The following PTCD3 variants were observed in gnomAD, a reference collection of about 807,000 sequenced individuals.
PTCD3 encodes the protein pentatricopeptide repeat domain 3, also known as small ribosomal subunit protein mS39.
A neutral mutation model predicts 101.9 loss-of-function variants in PTCD3; 89 were observed. The ratio of observed to expected loss-of-function variants is 0.87; its 90% CI spans 0.74 to 1.04. The LOEUF (loss-of-function observed/expected upper bound fraction) is 1.04. Among genes scored for constraint, PTCD3 ranks in the 50% least tolerant of loss-of-function variants. The pLI is 0.00. For synonymous variants in PTCD3, 296 were observed against 278.5 expected, an observed-to-expected ratio of 1.06 and a Z score of -0.63; for missense variants, 870 against 828.2, an observed-to-expected ratio of 1.05 and a Z score of -0.62.
Position 86,127,293 on chromosome 2 carries a change from G to A in PTCD3, c.1084G>A (p.Ala362Thr). Reference sequence around the variant, plus strand: ...CTTACAGGTTTTACGTGAAATGAAAGCCATTGGAATAGGTGAGGATGCGCC... The same window carrying A: ...CTTACAGGTTTTACGTGAAATGAAAACCATTGGAATAGGTGAGGATGCGCC... ...PALQVLREMK[A>T]IGIEPSLATY... The change falls in exon 13 of 24, where the codon GCC becomes ACC. Residue 362 changes from alanine to threonine, a missense_variant. Physicochemically the swap from Ala to Thr is moderately conservative, Grantham distance 58 (BLOSUM62 0). Coordinates refer to ENST00000254630, the MANE Select transcript of PTCD3 (RefSeq NM_017952.6). The A allele has an allele frequency of 6.2e-7, 1 of 1,614,044 alleles. No homozygotes were observed.
At position 86,127,960 on chromosome 2, in the gene PTCD3, T is replaced by G; in HGVS notation, c.1116T>G (p.Tyr372Ter). Residue 372 changes from tyrosine to a stop codon, truncating the protein, a stop_gained, in exon 14 of 24, where the codon TAT becomes TAG. Coordinates refer to ENST00000254630, the MANE Select transcript of PTCD3 (RefSeq NM_017952.6). LOFTEE classifies it high-confidence loss of function. ...TTTGAGAACCCTCGCTTGCAACATA[T>G]CACCATATTATTCGCCTGTTTGATC... ...AIGIEPSLAT[Y>*]HHIIRLFDQP... The G allele has an allele frequency of 1.2e-6, 2 of 1,611,062 alleles. No homozygotes were observed. The highest frequency in any genetic ancestry group is 1.7e-6 in the Non-Finnish European group (2 of 1,177,278).
intron 21 of PTCD3, chr2:86,135,211 TA>T (rs1674565431): frequency 2.4e-6 from 1 of 424,958 alleles, no homozygotes; most frequent in South Asian, 7.7e-5. Flanking sequence ...ATTATCTTTC[TA>T]CTTTCTGTGT....
chr2:86,140,407 T>G lies in PTCD3; in HGVS notation c.*2848T>G, dbSNP rs1674662868. On this transcript the variant is annotated 3_prime_UTR_variant, in exon 24 of 24. Transcript: ENST00000254630. ...ATCAGTTTTTGTGGGTGATTGCAAT[T>G]TTTTAATGAAATGCATTAGAACATC... 1 of 152,210 alleles carries G rather than the reference T, an allele frequency of 6.6e-6. No individual in the cohort carries two copies. Among genetic ancestry groups the G allele is most frequent in the Admixed American group, 6.5e-5 (1 of 15,286 alleles). 9.4% of individuals were successfully genotyped at this position (152,210 alleles called of 1,614,324 possible).
At chr2:86,114,010 T>G (rs2104449448) in intron 4 of PTCD3, among the ~76,000 whole-genome samples, 1 of 150,246 alleles carries the variant, frequency 6.7e-6, no homozygotes, top group South Asian at 2.1e-4. Context: ...TCCGAGATAT[T>G]CTCAACATTT....
chr2:86,127,876 C>CT, intron 13 of PTCD3, 65 bp from the exon 14 acceptor site: 1 of 1,259,264 alleles, frequency 7.9e-7, no homozygotes, highest in Admixed American at 1.7e-5. Flanking sequence ...TCTCAGTAAA[C>CT]TATGTTTTGG....
intron 8 of PTCD3, among the ~76,000 whole-genome samples, chr2:86,123,406 T>C (rs896025662): frequency 6.6e-6 from 1 of 152,166 alleles, no homozygotes; most frequent in Non-Finnish European, 1.5e-5. Context: ...ATAGGCTGTG[T>C]TGTTTGGTTT....
Position 86,111,042 on chromosome 2 carries a change from G to A in PTCD3, c.195-71G>A, listed in dbSNP as rs1674072219. The A allele has an allele frequency of 5.1e-6, 7 of 1,366,320 alleles. No homozygotes were observed. In the South Asian group the frequency reaches 8.1e-5, roughly 16 times the overall value. 84.6% of individuals were successfully genotyped at this position (1,366,320 alleles called of 1,614,324 possible). The stretch of plus-strand genomic sequence containing the variant: ...TATGTTATTGGCCAGTACACTGAGA[G>A]TAGAATCACTTGTTCGGTTTGTGGC... On this transcript the variant is annotated intron_variant, in intron 3 of 23. Coordinates refer to ENST00000254630, the MANE Select transcript of PTCD3 (RefSeq NM_017952.6).
intron 1 of PTCD3, chr2:86,107,185 A>G (rs1009279431): frequency 2.1e-6 from 1 of 471,242 alleles, no homozygotes; most frequent in South Asian, 1.5e-5. Flanking sequence ...ATTCAATGCC[A>G]GTCCTCCGTT....
chr2:86,131,078 A>T lies in PTCD3; in HGVS notation c.1238A>T (p.Asp413Val). 2.5e-6 allele frequency: 4 copies of T among 1,603,534 alleles called. No individual in the cohort carries two copies. Among genetic ancestry groups the T allele is most frequent in the Non-Finnish European group, 3.4e-6 (4 of 1,175,570 alleles). ...AGCTCTTGTGAACTTTGATTTTCAG[A>T]TAAGTTTTTTCAGTCAGCCATGAGC... The part of the protein sequence containing the change: ...KRFSPKDPDD[D>V]KFFQSAMSIC... Residue 413 changes from aspartate (D) to valine (V), a missense_variant and splice_region_variant, in exon 16 of 24, where the codon GAT becomes GTT. Coordinates refer to ENST00000254630, the MANE Select transcript of PTCD3 (RefSeq NM_017952.6).
At chr2:86,133,491 T>A in intron 19 of PTCD3, 55 bp downstream of exon 19, 1 of 1,444,254 alleles carries the variant, frequency 6.9e-7, no homozygotes, top group Non-Finnish European at 9.7e-7. Context: ...TCCTCTACTT[T>A]GATAATGAAT....
intron 8 of PTCD3, 43 bp from the exon 9 acceptor site, chr2:86,123,658 C>A: frequency 7.0e-7 from 1 of 1,438,712 alleles, no homozygotes; most frequent in Admixed American, 2.1e-5. Flanking sequence ...AAATGCATTC[C>A]ATTGCCTTAA....
chr2:86,119,932 C>T (rs901031520), intron 7 of PTCD3, among the ~76,000 whole-genome samples: 1 of 152,156 alleles, frequency 6.6e-6, no homozygotes, highest in Admixed American at 6.5e-5. Flanking sequence ...CATATAGCAA[C>T]ATCAGAAGCA....
At position 86,125,893 on chromosome 2, in the gene PTCD3, C is replaced by G. The variant is rs1211905497; in HGVS notation, c.951+13C>G. The stretch of plus-strand genomic sequence containing the variant: ...GAGTAAAATACTGGTAAGGAGGAAT[C>G]CTCAGTTTATTTTTTAATAGGGCTT... On this transcript the variant is annotated intron_variant, in intron 12 of 23. Coordinates refer to ENST00000254630, the MANE Select transcript of PTCD3 (RefSeq NM_017952.6). 5 of 1,549,746 alleles carry G rather than the reference C, an allele frequency of 3.2e-6. No individual in the cohort carries two copies. Among genetic ancestry groups the G allele is most frequent in the Non-Finnish European group, 2.7e-6 (3 of 1,123,674 alleles).
chr2:86,112,897 C>T (rs1036503235), intron 4 of PTCD3, among the ~76,000 whole-genome samples: 3 of 151,886 alleles, frequency 2.0e-5, no homozygotes, highest in Non-Finnish European at 2.9e-5. Flanking sequence ...AATGTATGTT[C>T]TTAGGGGACG....
intron 22 of PTCD3, 63 bp from the exon 23 acceptor site, chr2:86,136,919 C>A (rs1674594515): frequency 1.1e-5 from 18 of 1,581,776 alleles, no homozygotes; most frequent in Non-Finnish European, 1.6e-5. Flanking sequence ...TACACTGGAT[C>A]TTGCCTATAA....
chr2:86,113,994 T>C (rs1192679005), intron 4 of PTCD3, among the ~76,000 whole-genome samples: 1 of 151,864 alleles, frequency 6.6e-6, no homozygotes, highest in Non-Finnish European at 1.5e-5. Context: ...AACATAGAAA[T>C]GGACCTCCGA....
intron 12 of PTCD3, among the ~76,000 whole-genome samples, chr2:86,126,764 G>A (rs1414444742): frequency 6.6e-6 from 1 of 151,432 alleles, no homozygotes; most frequent in African/African-American, 2.4e-5. Flanking sequence ...CTCAGCCCAC[G>A]AGGCAGAGGT....
chr2:86,136,594 A>G, intron 22 of PTCD3, 32 bp downstream of exon 22: 4 of 1,598,234 alleles, frequency 2.5e-6, no homozygotes, highest in East Asian at 2.2e-5. Flanking sequence ...CTCTTTGGGT[A>G]CAGCCTGGAA....
In PTCD3 at chr2:86,139,386, T is replaced by A. The variant is rs1213583442; in HGVS notation, c.*1827T>A. On this transcript the variant is annotated 3_prime_UTR_variant, in exon 24 of 24. Transcript: ENST00000254630. ...TGGTATGTATCTGTGTCCCAGCTAA[T>A]TGGGAGGGTGAGTTGGGAGGATTGT... 1 of 152,078 alleles carries A rather than the reference T, an allele frequency of 6.6e-6. No homozygotes were observed. Among genetic ancestry groups the A allele is most frequent in the South Asian group, 2.1e-4 (1 of 4,822 alleles). 9.4% of individuals were successfully genotyped at this position (152,078 alleles called of 1,614,324 possible).
Sources: gnomAD v4.1 joint callset for allele counts (sites outside exome capture counted in the v4.1 genomes callset) on GRCh38, gnomAD v4.1.1 for gene constraint, MANE v1.5 for transcripts, NCBI Gene and HGNC (gene_info 2026-07-23, HGNC 2026-07-21) for gene names.